Variants in MTHFD1 observed in about 807,000 individuals in gnomAD.
MTHFD1 encodes the protein methylenetetrahydrofolate dehydrogenase, cyclohydrolase and formyltetrahydrofolate synthetase 1, also known as C-1-tetrahydrofolate synthase, cytoplasmic.
MTHFD1 carries 44 observed loss-of-function variants against 110.3 expected under a neutral mutation model. The ratio of observed to expected loss-of-function variants is 0.40; its 90% CI spans 0.31 to 0.51. The LOEUF (loss-of-function observed/expected upper bound fraction) is 0.51. Ranked by LOEUF, MTHFD1 falls within the 20% of genes least tolerant of loss-of-function variation. The probability of loss-of-function intolerance (pLI) is 0.60; values close to 1 mark genes in which losing one functional copy is unlikely to be tolerated. For missense variants in MTHFD1, 909 were observed against 1,173.1 expected, an observed-to-expected ratio of 0.77 and a Z score of 3.29; for synonymous variants, 402 against 428.8, an observed-to-expected ratio of 0.94 and a Z score of 0.77.
intron 2 of MTHFD1, among the ~76,000 whole-genome samples, chr14:64,404,735 C>G (rs1051894663): frequency 6.6e-6 from 1 of 152,170 alleles, no homozygotes; most frequent in African/African-American, 2.4e-5. Flanking sequence ...CTTTGGGAGG[C>G]TAAGGCGGGT....
intron 4 of MTHFD1, among the ~76,000 whole-genome samples, chr14:64,413,080 G>A (rs547204390): frequency 4.6e-5 from 7 of 152,006 alleles, no homozygotes; most frequent in Admixed American, 3.3e-4. Context: ...AGCCAGGCAC[G>A]GTGGCTCATG....
intron 27 of MTHFD1, 81 bp from the exon 28 acceptor site, chr14:64,459,678 G>A: frequency 8.3e-7 from 1 of 1,210,550 alleles, no homozygotes; most frequent in Non-Finnish European, 1.1e-6. Flanking sequence ...ATGTGAGTGG[G>A]TAATGGTGCA....
At chr14:64,439,894 CAAAA>C (rs760527922) in intron 17 of MTHFD1, among the ~76,000 whole-genome samples, 12 of 56,576 alleles carry the variant, frequency 2.1e-4, no homozygotes, top group East Asian at 1.0e-3. Flanking sequence ...ACTCTGTCTC[CAAAA>C]AAAAAAAAAA....
chr14:64,421,823 C>T (rs1307295322), intron 8 of MTHFD1, among the ~76,000 whole-genome samples: 1 of 152,036 alleles, frequency 6.6e-6, no homozygotes, highest in Non-Finnish European at 1.5e-5. Context: ...GACGGGGTTT[C>T]ACCATGTTAG....
intron 8 of MTHFD1, among the ~76,000 whole-genome samples, chr14:64,421,730 TCTCCCGCCTCCGC>T (rs1435167270): frequency 6.6e-6 from 1 of 152,150 alleles, no homozygotes; most frequent in Non-Finnish European, 1.5e-5. Context: ...TTCATGCCAT[TCTCCCGCCTCCGC>T]CTCCCGAGTA....
chr14:64,442,474 C>G, intron 21 of MTHFD1, 72 bp downstream of exon 21: 1 of 1,489,340 alleles, frequency 6.7e-7, no homozygotes. Flanking sequence ...ATGACTTCTG[C>G]CTGTTTCTTC....
At chr14:64,418,723 A>ATTTGTTTTT (rs2078046112) in intron 7 of MTHFD1, among the ~76,000 whole-genome samples, 1 of 151,470 alleles carries the variant, frequency 6.6e-6, no homozygotes. Context: ...CGCCTGGCTA[A>ATTTGTTTTT]TTTTGTATTT....
rs201735186 is a variant in MTHFD1 at position 64,449,632 on chromosome 14, T to C, written c.2457+10T>C. 6.2e-7 allele frequency: 1 copy of C among 1,613,766 alleles called. No homozygotes were observed. Among genetic ancestry groups the C allele is most frequent in the Non-Finnish European group, 8.5e-7 (1 of 1,179,944 alleles). On this transcript the variant is annotated intron_variant, in intron 24 of 27. Coordinates refer to ENST00000652337, the MANE Select transcript of MTHFD1 (RefSeq NM_005956.4). Reference sequence around the variant, plus strand: ...CCTTTATGACCTCAAGGTGGGTGATTTGCTGTCTGCAAAAAAAGAAAAAAG... The same window carrying C: ...CCTTTATGACCTCAAGGTGGGTGATCTGCTGTCTGCAAAAAAAGAAAAAAG...
chr14:64,431,076 C>CTTTTTTTTTTTTTTTTTT, intron 13 of MTHFD1, among the ~76,000 whole-genome samples: 1 of 135,368 alleles, frequency 7.4e-6, no homozygotes, highest in East Asian at 2.1e-4. Context: ...TTTTCTTTTT[C>CTTTTTTTTTTTTTTTTTT]TTTTTTTTTT....
chr14:64,458,314 T>A lies in MTHFD1; in HGVS notation c.*4+7T>A. ...AATGGATTATTCTAAACAGGTAAGT[T>A]GTTACTGGGTAATAATTTGGCTTTT... On this transcript the variant is annotated splice_region_variant and intron_variant, in intron 27 of 27. Coordinates refer to ENST00000652337, the MANE Select transcript of MTHFD1 (RefSeq NM_005956.4). 6.3e-7 allele frequency: 1 copy of A among 1,589,232 alleles called. No individual in the cohort carries two copies. Among genetic ancestry groups the A allele is most frequent in the Non-Finnish European group, 8.6e-7 (1 of 1,157,306 alleles).
rs1490872179 is a variant in MTHFD1, at chr14:64,441,392, G to C, written c.1823G>C (p.Ser608Thr). Residue 608 changes from serine (S) to threonine (T), a missense_variant, in exon 19 of 28, where the codon AGT becomes ACT. By Grantham distance (58) the Ser-to-Thr change is moderately conservative (BLOSUM62 1). Transcript: ENST00000652337. ...CACACATTTGTTTTGTAGGGGGTGA[G>C]TGGTGCACTGACAGTGCTTATGAAG... Reference protein sequence around the residue: ...EPVSAEDLGVSGALTVLMKDA... With the variant: ...EPVSAEDLGVTGALTVLMKDA... 1.9e-6 allele frequency: 3 copies of C among 1,614,100 alleles called. No homozygotes were observed. Among genetic ancestry groups the C allele is most frequent in the Non-Finnish European group, 2.5e-6 (3 of 1,179,978 alleles).
At position 64,426,211 on chromosome 14, in the gene MTHFD1, T is replaced by C. The variant is rs113115480; in HGVS notation, c.1127+19T>C. 1,409 of 1,614,088 alleles carry C rather than the reference T, an allele frequency of 8.7e-4. 9 individuals carry two copies. The African/African-American group carries it at 0.016, about 18-fold the overall frequency. On this transcript the variant is annotated intron_variant, in intron 11 of 27. Coordinates refer to ENST00000652337, the MANE Select transcript of MTHFD1 (RefSeq NM_005956.4). ...TGACTGGGTATGCTTTTTATTCATGTTGCCATCCAAATCTTAGTATCAGTC... is the reference window on the plus strand; with the variant it reads ...TGACTGGGTATGCTTTTTATTCATGCTGCCATCCAAATCTTAGTATCAGTC...
intron 2 of MTHFD1, among the ~76,000 whole-genome samples, chr14:64,408,285 C>CCA (rs34166790): frequency 8.3e-5 from 10 of 121,208 alleles, no homozygotes; most frequent in Non-Finnish European, 1.5e-4. Context: ...AATCAGCATT[C>CCA]TTTTTTTTTT....
intron 1 of MTHFD1, among the ~76,000 whole-genome samples, chr14:64,395,591 A>G (rs1020595582): frequency 1.3e-5 from 2 of 152,132 alleles, no homozygotes; most frequent in African/African-American, 2.4e-5. Flanking sequence ...AACCAGTCCA[A>G]CCTAGTCCGT....
chr14:64,427,344 C>T lies in MTHFD1; in HGVS notation c.1135C>T (p.Pro379Ser). 2 of 1,614,172 alleles carry T rather than the reference C, an allele frequency of 1.2e-6. No individual in the cohort carries two copies. The highest frequency in any genetic ancestry group is 1.7e-6 in the Non-Finnish European group (2 of 1,180,028). The change falls in exon 12 of 28, where the codon CCA becomes TCA. Residue 379 changes from proline (P) to serine (S), a missense_variant. Transcript: ENST00000652337. ...TTTGCTTTCGTCTTGAAGAATAACT[C>T]CAACACCCCTGGGAGAAGGGAAAAG... The part of the protein sequence containing the change: ...GKYVVVTGIT[P>S]TPLGEGKSTT...
rs142595416 is a variant in MTHFD1 at position 64,426,595 on chromosome 14, C to T, written c.1127+403C>T. Among the ~76,000 whole-genome samples the T allele has an allele frequency of 4.5e-4, 69 of 152,130 alleles. No homozygotes were observed. The East Asian group carries it at 8.5e-3, about 19-fold the overall frequency. On this transcript the variant is annotated intron_variant, in intron 11 of 27. Transcript: ENST00000652337. The stretch of plus-strand genomic sequence containing the variant: ...AAGCGGTTCTCCTGCCTCAGCCTCC[C>T]GAGTAGCTGGGACTACAGGTGCAAG...
chr14:64,454,196 TC>T (rs1180769251), intron 25 of MTHFD1, among the ~76,000 whole-genome samples: 1 of 152,234 alleles, frequency 6.6e-6, no homozygotes, highest in Non-Finnish European at 1.5e-5. Context: ...CACTGCAGCC[TC>T]TGACTCCTAG....
At chr14:64,439,471 G>A (rs1426972007) in intron 17 of MTHFD1, 1 of 446,444 alleles carries the variant, frequency 2.2e-6, no homozygotes, top group Non-Finnish European at 4.1e-6. Flanking sequence ...CCATTTCACT[G>A]TATATCTCCT....
At chr14:64,445,142 T>G (rs1289590306) in intron 22 of MTHFD1, 1 of 288,236 alleles carries the variant, frequency 3.5e-6, no homozygotes, top group East Asian at 9.0e-5. Context: ...ATTATCCAGC[T>G]CAAATGTCGG....
Sources: gnomAD v4.1 joint callset for allele counts (sites outside exome capture counted in the v4.1 genomes callset) on GRCh38, gnomAD v4.1.1 for gene constraint, MANE v1.5 for transcripts, NCBI Gene and HGNC (gene_info 2026-07-23, HGNC 2026-07-21) for gene names.